The following CDC5L variants were observed in gnomAD, a reference collection of about 807,000 sequenced individuals.
CDC5L encodes the protein cell division cycle 5-like protein.
CDC5L carries 18 observed loss-of-function variants against 104.1 expected under a neutral mutation model. The ratio of observed to expected loss-of-function variants is 0.17; its 90% CI spans 0.12 to 0.26. The LOEUF (loss-of-function observed/expected upper bound fraction) is 0.26. Ranked by LOEUF, CDC5L falls within the 10% of genes least tolerant of loss-of-function variation. The probability of loss-of-function intolerance (pLI) is 1.00; values close to 1 mark genes in which losing one functional copy is unlikely to be tolerated. For missense variants in CDC5L, 673 were observed against 956.9 expected (o/e 0.70, Z 3.91); for synonymous variants, 331 against 322.7 (o/e 1.03, Z -0.28).
chr6:44,426,511 T>C lies in CDC5L; in HGVS notation c.1680T>C (p.Asn560=), dbSNP rs1048872867. Reference sequence around the variant, plus strand: ...ATGAAACTATTCTAAGACCCTTAAATGTAGAACCGCCTTTAACAGATTTAC... The same window carrying C: ...ATGAAACTATTCTAAGACCCTTAAACGTAGAACCGCCTTTAACAGATTTAC... ...EVNETILRPL[N]VEPPLTDLQK... is the part of the protein sequence containing the mutation. Residue 560 remains asparagine, a synonymous_variant, in exon 13 of 16, where the codon AAT becomes AAC. Coordinates refer to ENST00000371477, the MANE Select transcript of CDC5L (RefSeq NM_001253.4). 4 of 1,563,046 alleles carry C rather than the reference T, an allele frequency of 2.6e-6. No individual in the cohort carries two copies. Among genetic ancestry groups the C allele is most frequent in the Non-Finnish European group, 2.6e-6 (3 of 1,134,314 alleles).
chr6:44,430,217 GT>G (rs1459884982), intron 14 of CDC5L, among the ~76,000 whole-genome samples: 4 of 151,986 alleles, frequency 2.6e-5, no homozygotes, highest in African/African-American at 9.7e-5. Context: ...GCCAATACTA[GT>G]CACTCAGAAC....
chr6:44,398,173 C>T (rs1168707971), intron 5 of CDC5L, among the ~76,000 whole-genome samples: 1 of 152,140 alleles, frequency 6.6e-6, no homozygotes, highest in Non-Finnish European at 1.5e-5. Flanking sequence ...GGGGTATTAG[C>T]TGCCGGGGAC....
At chr6:44,411,997 A>G (rs1198488099) in intron 8 of CDC5L, among the ~76,000 whole-genome samples, 1 of 152,186 alleles carries the variant, frequency 6.6e-6, no homozygotes. Context: ...GGAGGGACCT[A>G]AACAGTCCAG....
Position 44,447,016 on chromosome 6 carries a change from T to C in CDC5L, c.*305T>C, listed in dbSNP as rs1793480110. The C allele has an allele frequency of 5.3e-6, 1 of 187,162 alleles. No homozygotes were observed. The highest frequency in any genetic ancestry group is 1.3e-4 in the East Asian group (1 of 7,560). The allele number at this position is 187,162 out of a possible 1,614,324, so 11.6% of individuals were successfully genotyped here. A position where few individuals can be genotyped will look rare whatever the true frequency, so the allele number is the denominator to read the frequency against. Reference sequence around the variant, plus strand: ...TAAAGTGCTGCCTGTGAGTAACTCTTGAATAAAAACAAAATATAAAAAATT... The same window carrying C: ...TAAAGTGCTGCCTGTGAGTAACTCTCGAATAAAAACAAAATATAAAAAATT... On this transcript the variant is annotated 3_prime_UTR_variant, in exon 16 of 16. Transcript: ENST00000371477.
rs745829790 is a variant in CDC5L, at chr6:44,396,294, G to A, written c.440-47G>A. ...CTTACATACCTTGCTTCTAGAGTAT[G>A]TAAGAACTAAGAAAATACTTAGTTT... On this transcript the variant is annotated intron_variant, in intron 4 of 15. Transcript: ENST00000371477. 9 of 1,294,798 alleles carry A rather than the reference G, an allele frequency of 7.0e-6. No homozygotes were observed. The South Asian group carries it at 7.5e-5, about 11-fold the overall frequency. 80.2% of individuals were successfully genotyped at this position (1,294,798 alleles called of 1,614,324 possible).
chr6:44,405,969 T>A (rs1414384401), intron 6 of CDC5L, among the ~76,000 whole-genome samples: 2 of 152,020 alleles, frequency 1.3e-5, no homozygotes, highest in Admixed American at 6.6e-5. Context: ...TGGTGCGATC[T>A]CAGCTCACTG....
At chr6:44,432,879 T>C (rs1246621781) in intron 14 of CDC5L, among the ~76,000 whole-genome samples, 5 of 152,158 alleles carry the variant, frequency 3.3e-5, no homozygotes, top group Non-Finnish European at 5.9e-5. Flanking sequence ...TGACAGTTAA[T>C]ATAAGGAAAG....
intron 5 of CDC5L, among the ~76,000 whole-genome samples, chr6:44,400,213 C>G (rs1411624772): frequency 6.6e-6 from 1 of 152,168 alleles, no homozygotes; most frequent in African/African-American, 2.4e-5. Context: ...CACTCTCAGG[C>G]AGTTTCCGTT....
intron 14 of CDC5L, among the ~76,000 whole-genome samples, chr6:44,432,770 C>G (rs1269072102): frequency 2.0e-5 from 3 of 152,088 alleles, no homozygotes; most frequent in African/African-American, 7.2e-5. Context: ...GAATTGTAAC[C>G]AAGTCCATGT....
rs1212699709 is a variant in CDC5L, at chr6:44,402,127, GTCTT to G, written c.540-1680_540-1677del. ...CCGCAGTAAACATACGTGTGCATGT[GTCTT>G]TATAGCAGCATGATTTATAGTCCTT... On this transcript the variant is annotated intron_variant, in intron 5 of 15. Coordinates refer to ENST00000371477, the MANE Select transcript of CDC5L (RefSeq NM_001253.4). Among the ~76,000 whole-genome samples the G allele has an allele frequency of 4.2e-5, 6 of 144,574 alleles. No homozygotes were observed. The East Asian group carries it at 1.2e-3, about 28-fold the overall frequency. 94.8% of individuals were successfully genotyped at this position (144,574 alleles called of 152,430 possible).
At chr6:44,412,321 T>G (rs1438749478) in intron 8 of CDC5L, among the ~76,000 whole-genome samples, 1 of 134,604 alleles carries the variant, frequency 7.4e-6, no homozygotes, top group African/African-American at 2.8e-5. Context: ...TTTTTTTTTT[T>G]CAGACAGGGT....
chr6:44,441,929 G>GTTTTT (rs1185055855), intron 14 of CDC5L, among the ~76,000 whole-genome samples: 68 of 110,624 alleles, frequency 6.1e-4, no homozygotes, highest in South Asian at 3.3e-3. Flanking sequence ...GTAAGGTCTT[G>GTTTTT]TTCTTTTTTT....
intron 8 of CDC5L, among the ~76,000 whole-genome samples, chr6:44,416,064 TA>T (rs1791893179): frequency 6.6e-6 from 1 of 152,212 alleles, no homozygotes; most frequent in Non-Finnish European, 1.5e-5. Context: ...TGTGTGTAGC[TA>T]GGGGTAAGAG....
chr6:44,425,079 T>C (rs1032465094), intron 11 of CDC5L, among the ~76,000 whole-genome samples: 17 of 152,248 alleles, frequency 1.1e-4, no homozygotes, highest in Admixed American at 4.6e-4. Flanking sequence ...ATAGAGTGTG[T>C]CAAAATAATA....
intron 14 of CDC5L, among the ~76,000 whole-genome samples, chr6:44,444,136 G>T (rs1033640939): frequency 2.6e-4 from 40 of 152,068 alleles, no homozygotes; most frequent in African/African-American, 9.7e-4. Flanking sequence ...TGAGGTGTTG[G>T]GTATGTGTCC....
intron 14 of CDC5L, among the ~76,000 whole-genome samples, chr6:44,438,174 C>T (rs949279563): frequency 2.6e-5 from 4 of 152,170 alleles, no homozygotes; most frequent in African/African-American, 9.7e-5. Flanking sequence ...TCTCGAACTC[C>T]TGGGCTCAAG....
chr6:44,388,162 C>A (rs1412551521), intron 1 of CDC5L, among the ~76,000 whole-genome samples: 1 of 129,898 alleles, frequency 7.7e-6, no homozygotes, highest in African/African-American at 2.9e-5. Context: ...CCCCCGCCCC[C>A]CCCGGCCCCG....
Position 44,424,431 on chromosome 6 carries a change from C to G in CDC5L, c.1417C>G (p.Arg473Gly), listed in dbSNP as rs748413122. 3.1e-6 allele frequency: 5 copies of G among 1,612,696 alleles called. No homozygotes were observed. Among genetic ancestry groups the G allele is most frequent in the Non-Finnish European group, 4.2e-6 (5 of 1,179,046 alleles). ...TTCTTTTCTACAGGAAAGAGAATCCCGAGAACATCTCCGTTTAGGGTTGTT... is the reference window on the plus strand; with the variant it reads ...TTCTTTTCTACAGGAAAGAGAATCCGGAGAACATCTCCGTTTAGGGTTGTT... ...SYVKQMERESREHLRLGLLGL... is the reference protein window; with the variant it reads ...SYVKQMERESGEHLRLGLLGL... The change falls in exon 11 of 16, where the codon CGA becomes GGA. Residue 473 changes from arginine (R) to glycine (G), a missense_variant. Arg to Gly is a moderately radical substitution (Grantham distance 125, BLOSUM62 -2). This residue lies in a region of CDC5L where 578 missense variants were observed against 737.0 expected (regional missense o/e 0.78). Coordinates refer to ENST00000371477, the MANE Select transcript of CDC5L (RefSeq NM_001253.4).
At chr6:44,393,309 A>G in intron 3 of CDC5L, 137 bp from the exon 4 acceptor site, 1 of 634,600 alleles carries the variant, frequency 1.6e-6, no homozygotes, top group South Asian at 2.6e-5. Context: ...ATGAAGTGAT[A>G]GTAAAAAGGC....
Sources: gnomAD v4.1 joint callset for allele counts (sites outside exome capture counted in the v4.1 genomes callset) on GRCh38, gnomAD v4.1.1 for gene constraint, gnomAD v4.1.1 regional missense constraint, MANE v1.5 for transcripts, NCBI Gene and HGNC (gene_info 2026-07-23, HGNC 2026-07-21) for gene names.